Variants in MSH3 observed in about 807,000 individuals in gnomAD.
MSH3 encodes DNA mismatch repair protein Msh3.
A neutral mutation model predicts 123.3 loss-of-function variants in MSH3; 106 were observed. The ratio of observed to expected loss-of-function variants is 0.86; its 90% CI spans 0.73 to 1.01. The LOEUF is 1.01. Ranked by LOEUF, MSH3 falls within the 50% of genes least tolerant of loss-of-function variation. The pLI, the probability that MSH3 is intolerant of heterozygous loss-of-function variation, is 0.00. For synonymous variants in MSH3, 515 were observed against 481.4 expected (o/e 1.07, Z -0.91); for missense variants, 1,459 against 1,347.6 (o/e 1.08, Z -1.29).
intron 8 of MSH3, among the ~76,000 whole-genome samples, chr5:80,704,029 T>C (rs1199345162): frequency 6.6e-6 from 1 of 152,188 alleles, no homozygotes; most frequent in Admixed American, 6.5e-5. Flanking sequence ...GGTGGGCTTC[T>C]GGGAGGAAGA....
intron 20 of MSH3, among the ~76,000 whole-genome samples, chr5:80,837,503 G>C (rs1329194194): frequency 6.6e-6 from 1 of 152,052 alleles, no homozygotes; most frequent in East Asian, 1.9e-4. Context: ...GCTTGAACCT[G>C]GGAGGTTGAG....
At chr5:80,681,662 T>C (rs964774084) in intron 8 of MSH3, among the ~76,000 whole-genome samples, 3 of 148,014 alleles carry the variant, frequency 2.0e-5, no homozygotes, top group African/African-American at 7.4e-5. Flanking sequence ...TAGTATATAT[T>C]TTATTAATTT....
At chr5:80,694,476 T>C (rs996756472) in intron 8 of MSH3, among the ~76,000 whole-genome samples, 5 of 152,182 alleles carry the variant, frequency 3.3e-5, no homozygotes, top group African/African-American at 1.2e-4. Context: ...ATTATAATTG[T>C]CTTAAATATT....
chr5:80,868,803 A>G (rs761617536), intron 22 of MSH3, among the ~76,000 whole-genome samples: 1 of 151,708 alleles, frequency 6.6e-6, no homozygotes, highest in Non-Finnish European at 1.5e-5. Context: ...TATAGCTTCC[A>G]TGTTCGAATT....
At chr5:80,771,284 G>T (rs931063274) in intron 15 of MSH3, among the ~76,000 whole-genome samples, 3 of 152,134 alleles carry the variant, frequency 2.0e-5, no homozygotes, top group African/African-American at 7.2e-5. Flanking sequence ...CGGAGTTCAA[G>T]ACCTGCTTGG....
chr5:80,849,300 C>T (rs1745788118), intron 20 of MSH3, among the ~76,000 whole-genome samples: 1 of 152,130 alleles, frequency 6.6e-6, no homozygotes, highest in Non-Finnish European at 1.5e-5. Flanking sequence ...GCATATGGTG[C>T]AAGCTCTAGG....
intron 20 of MSH3, among the ~76,000 whole-genome samples, chr5:80,829,988 G>A (rs1422414788): frequency 6.6e-6 from 1 of 152,062 alleles, no homozygotes; most frequent in Non-Finnish European, 1.5e-5. Context: ...GAATCAGTCT[G>A]TTTTATCTAG....
At chr5:80,717,711 G>A (rs1333307081) in intron 8 of MSH3, among the ~76,000 whole-genome samples, 2 of 152,140 alleles carry the variant, frequency 1.3e-5, no homozygotes, top group Non-Finnish European at 2.9e-5. Context: ...ACAGGAATGA[G>A]GTAAATATGT....
rs1263621443 is a variant in MSH3 at position 80,675,068 on chromosome 5, C to T, written c.1113C>T (p.Ile371=). 6.2e-7 allele frequency: 1 copy of T among 1,613,416 alleles called. No homozygotes were observed. Among genetic ancestry groups the T allele is most frequent in the East Asian group, 2.2e-5 (1 of 44,790 alleles). The change falls in exon 7 of 24, where the codon ATC becomes ATT. Residue 371 remains isoleucine, a synonymous_variant. Transcript: ENST00000265081. The part of the protein sequence containing the change: ...TDTSTSYLLC[I]SENKENVRDK... ...CTTCTACCAGCTATCTTCTGTGCAT[C>T]TCTGAAAATAAGGAAAATGTTAGGG...
intron 20 of MSH3, among the ~76,000 whole-genome samples, chr5:80,850,632 C>T (rs988672575): frequency 1.3e-5 from 2 of 152,186 alleles, no homozygotes; most frequent in African/African-American, 4.8e-5. Context: ...ATGAGAACAG[C>T]ACAGGAAAGA....
chr5:80,786,043 G>A (rs1465454651), intron 17 of MSH3, among the ~76,000 whole-genome samples: 15 of 151,974 alleles, frequency 9.9e-5, no homozygotes, highest in Admixed American at 6.6e-5. Context: ...CCTAACGCTA[G>A]ATGACGAGTT....
chr5:80,753,963 C>T (rs1006456307), intron 12 of MSH3, among the ~76,000 whole-genome samples: 12 of 152,086 alleles, frequency 7.9e-5, no homozygotes, highest in African/African-American at 2.4e-4. Context: ...CAGCTTACTG[C>T]GGGGGCTAGC....
At chr5:80,775,835 TA>T in intron 16 of MSH3, 77 bp downstream of exon 16, 1 of 799,020 alleles carries the variant, frequency 1.3e-6, no homozygotes, top group Non-Finnish European at 2.2e-6. Flanking sequence ...GGGCTCATCG[TA>T]GCCACATTCT....
intron 18 of MSH3, among the ~76,000 whole-genome samples, chr5:80,792,349 A>G (rs998086071): frequency 2.6e-5 from 4 of 151,702 alleles, no homozygotes; most frequent in Non-Finnish European, 4.4e-5. Context: ...GTAGTGTGCT[A>G]TGATTGTGTC....
chr5:80,690,641 G>T (rs1750208503), intron 8 of MSH3, among the ~76,000 whole-genome samples: 1 of 152,038 alleles, frequency 6.6e-6, no homozygotes, highest in African/African-American at 2.4e-5. Flanking sequence ...TAAAACTACT[G>T]TTTTATTTTT....
intron 8 of MSH3, among the ~76,000 whole-genome samples, chr5:80,681,154 A>G (rs1036140286): frequency 6.6e-5 from 10 of 152,306 alleles, no homozygotes; most frequent in Admixed American, 2.0e-4. Flanking sequence ...AGTCACATAG[A>G]TGAAAAATTT....
chr5:80,654,920 G>C lies in MSH3; in HGVS notation c.193G>C (p.Ala65Pro), dbSNP rs774328125. Reference protein sequence around the residue: ...AAAAAAAAPPAPPAPAFPPQL... With the variant: ...AAAAAAAAPPPPPAPAFPPQL... ...GGCCGCAGCGGCCGCAGCGCCCCCA[G>C]CGCCCCCAGCTCCCGCCTTCCCGCC... The change falls in exon 1 of 24, where the codon GCG becomes CCG. Residue 65 changes from alanine to proline, a missense_variant. Physicochemically the swap from Ala to Pro is conservative, Grantham distance 27 (BLOSUM62 -1). Transcript: ENST00000265081. The C allele has an allele frequency of 3.4e-5, 51 of 1,516,878 alleles. 4 individuals are homozygous for C. The East Asian group carries it at 1.0e-3, about 30-fold the overall frequency. The allele number at this position is 1,516,878 out of a possible 1,614,324, so 94.0% of individuals were successfully genotyped here.
At chr5:80,839,657 A>G (rs1745582195) in intron 20 of MSH3, among the ~76,000 whole-genome samples, 1 of 152,226 alleles carries the variant, frequency 6.6e-6, no homozygotes, top group Admixed American at 6.5e-5. Context: ...AAGGGTCACC[A>G]CATGACCATA....
At chr5:80,723,399 G>A (rs1751129111) in intron 8 of MSH3, among the ~76,000 whole-genome samples, 1 of 152,186 alleles carries the variant, frequency 6.6e-6, no homozygotes, top group Admixed American at 6.5e-5. Context: ...AAATCATCAG[G>A]GACGTATGGA....
Sources: allele counts gnomAD v4.1 joint callset (sites outside exome capture counted in the v4.1 genomes callset), GRCh38; gene constraint gnomAD v4.1.1; transcripts MANE v1.5; gene names NCBI Gene and HGNC (gene_info 2026-07-23, HGNC 2026-07-21).